Variants in SCD5 observed in about 807,000 individuals in gnomAD.
SCD5 encodes the protein acyl-CoA-desaturase 4.
Under a neutral mutation model 30.4 loss-of-function variants are expected in SCD5, and 20 were observed. The observed-to-expected ratio is 0.66, with a 90% CI of 0.46 to 0.96. The LOEUF (loss-of-function observed/expected upper bound fraction) is 0.96. Ranked by LOEUF, SCD5 falls within the 40% of genes least tolerant of loss-of-function variation. SCD5 has a pLI of 0.00. For synonymous variants in SCD5, 173 were observed against 176.4 expected (o/e 0.98, Z 0.16); for missense variants, 381 against 443.3 (o/e 0.86, Z 1.26).
intron 2 of SCD5, among the ~76,000 whole-genome samples, chr4:82,696,472 G>A (rs777011850): frequency 6.6e-6 from 1 of 152,198 alleles, no homozygotes; most frequent in Non-Finnish European, 1.5e-5. Flanking sequence ...CACTGTGTCT[G>A]TTAGATCTGT....
intron 2 of SCD5, among the ~76,000 whole-genome samples, chr4:82,681,386 T>TA (rs1478615612): frequency 1.3e-5 from 2 of 152,228 alleles, no homozygotes; most frequent in African/African-American, 4.8e-5. Flanking sequence ...TGAACATACA[T>TA]GTGCCTGTGT....
chr4:82,704,450 T>C (rs1719926697), intron 2 of SCD5, among the ~76,000 whole-genome samples: 1 of 152,194 alleles, frequency 6.6e-6, no homozygotes, highest in African/African-American at 2.4e-5. Context: ...CAGAGATCCA[T>C]GACCAAACCA....
At chr4:82,685,492 C>A (rs6838278) in intron 2 of SCD5, among the ~76,000 whole-genome samples, 5 of 151,932 alleles carry the variant, frequency 3.3e-5, no homozygotes, top group African/African-American at 1.2e-4. Flanking sequence ...GTGGGCGAAC[C>A]ACCTGAGGAC....
At chr4:82,649,604 C>T (rs1325696123) in intron 3 of SCD5, among the ~76,000 whole-genome samples, 4 of 152,086 alleles carry the variant, frequency 2.6e-5, no homozygotes, top group Non-Finnish European at 5.9e-5. Flanking sequence ...AGGAGACTAC[C>T]TTTATCATGT....
At chr4:82,762,480 T>G (rs2148846272) in intron 1 of SCD5, among the ~76,000 whole-genome samples, 1 of 152,262 alleles carries the variant, frequency 6.6e-6, no homozygotes, top group South Asian at 2.1e-4. Context: ...CAACCTTAGG[T>G]GATCCACCTG....
intron 3 of SCD5, among the ~76,000 whole-genome samples, chr4:82,653,995 G>A (rs1267245731): frequency 1.3e-5 from 2 of 151,418 alleles, no homozygotes; most frequent in African/African-American, 2.4e-5. Flanking sequence ...TGGGCTCACC[G>A]CAGCTTCTGT....
intron 2 of SCD5, among the ~76,000 whole-genome samples, chr4:82,699,576 T>G (rs1347402799): frequency 3.4e-5 from 5 of 147,150 alleles, no homozygotes; most frequent in Non-Finnish European, 7.5e-5. Flanking sequence ...TTTTGTTTTT[T>G]TTTTTTTTTG....
At chr4:82,764,727 TTTC>T (rs980568351) in intron 1 of SCD5, among the ~76,000 whole-genome samples, 1 of 136,210 alleles carries the variant, frequency 7.3e-6, no homozygotes, top group Non-Finnish European at 1.5e-5. Flanking sequence ...TTTTCTTTTC[TTTC>T]TTTTTTTTTT....
intron 3 of SCD5, chr4:82,661,093 G>C (rs764181679): frequency 1.6e-5 from 25 of 1,609,928 alleles, no homozygotes; most frequent in Non-Finnish European, 8.5e-7. Flanking sequence ...AAAAAATAAA[G>C]AAAATGACTG....
chr4:82,745,203 G>A (rs1436618569), intron 1 of SCD5, among the ~76,000 whole-genome samples: 3 of 152,220 alleles, frequency 2.0e-5, no homozygotes, highest in African/African-American at 4.8e-5. Flanking sequence ...TGGCACTGAT[G>A]TCTGATCCGG....
chr4:82,755,254 C>T (rs1248551919), intron 1 of SCD5, among the ~76,000 whole-genome samples: 1 of 152,144 alleles, frequency 6.6e-6, no homozygotes, highest in African/African-American at 2.4e-5. Context: ...AATCCCAGCA[C>T]TTTGGGAGGC....
chr4:82,752,472 C>T (rs544649065), intron 1 of SCD5, among the ~76,000 whole-genome samples: 48 of 152,100 alleles, frequency 3.2e-4, no homozygotes, highest in Non-Finnish European at 4.7e-4. Flanking sequence ...GATTTGAAGG[C>T]CTGCATAAAC....
At chr4:82,780,251 T>C (rs1200684879) in intron 1 of SCD5, among the ~76,000 whole-genome samples, 7 of 152,208 alleles carry the variant, frequency 4.6e-5, no homozygotes, top group African/African-American at 1.7e-4. Context: ...CAAAGGTAAC[T>C]TGGTGTCACC....
At chr4:82,730,343 C>A (rs1174773667) in intron 1 of SCD5, among the ~76,000 whole-genome samples, 1 of 149,738 alleles carries the variant, frequency 6.7e-6, no homozygotes, top group African/African-American at 2.4e-5. Flanking sequence ...TGTCACCCAG[C>A]TGGAGTCCAG....
intron 2 of SCD5, among the ~76,000 whole-genome samples, chr4:82,694,376 A>T (rs1469086827): frequency 1.3e-5 from 2 of 152,196 alleles, no homozygotes; most frequent in South Asian, 2.1e-4. Context: ...GTCAGTGCCA[A>T]AGCTTTATGA....
At chr4:82,727,669 C>T (rs546526455) in intron 1 of SCD5, among the ~76,000 whole-genome samples, 2 of 152,298 alleles carry the variant, frequency 1.3e-5, no homozygotes, top group South Asian at 2.1e-4. Flanking sequence ...GAAAGTCTAG[C>T]TTCTCTTGGT....
chr4:82,750,675 T>C (rs1392466689), intron 1 of SCD5, among the ~76,000 whole-genome samples: 1 of 149,402 alleles, frequency 6.7e-6, no homozygotes, highest in Non-Finnish European at 1.5e-5. Flanking sequence ...CAAAAGGCAG[T>C]TCATTATGTC....
chr4:82,784,987 C>T (rs908848079), intron 1 of SCD5, among the ~76,000 whole-genome samples: 2 of 152,174 alleles, frequency 1.3e-5, no homozygotes, highest in Non-Finnish European at 2.9e-5. Flanking sequence ...GTGGAGCACA[C>T]TAATGGAAGC....
chr4:82,746,612 T>C (rs1435345654), intron 1 of SCD5, among the ~76,000 whole-genome samples: 2 of 152,144 alleles, frequency 1.3e-5, no homozygotes, highest in Non-Finnish European at 2.9e-5. Flanking sequence ...TTTTCTCTAT[T>C]CCACAGAAGT....
Sources: allele counts gnomAD v4.1 joint callset (sites outside exome capture counted in the v4.1 genomes callset), GRCh38; gene constraint gnomAD v4.1.1; transcripts MANE v1.5; gene names NCBI Gene and HGNC (gene_info 2026-07-23, HGNC 2026-07-21).